Variants in ODF2L observed in about 807,000 individuals in gnomAD.
The protein encoded by ODF2L is protein BCAP.
Under a neutral mutation model 86.3 loss-of-function variants are expected in ODF2L, and 76 were observed. The observed-to-expected ratio is 0.88, with a 90% CI of 0.73 to 1.07. ODF2L has a LOEUF of 1.07. Among genes scored for constraint, ODF2L ranks in the 50% least tolerant of loss-of-function variants. The probability of loss-of-function intolerance (pLI) is 0.00; values close to 1 mark genes in which losing one functional copy is unlikely to be tolerated. For synonymous variants in ODF2L, 241 were observed against 231.3 expected, an observed-to-expected ratio of 1.04 and a Z score of -0.38; for missense variants, 748 against 717.4, an observed-to-expected ratio of 1.04 and a Z score of -0.49.
At chr1:86,372,476 A>G in exon 9 of ODF2L, 1 of 1,521,184 alleles carries the variant, frequency 6.6e-7, no homozygotes, top group Non-Finnish European at 8.8e-7. Context: ...TTTTTCTATC[A>G]CAATTTTCTC....
At chr1:86,394,840 C>CTTCTT (rs1553180237) in intron 1 of ODF2L, among the ~76,000 whole-genome samples, 1 of 129,316 alleles carries the variant, frequency 7.7e-6, no homozygotes, top group Non-Finnish European at 1.6e-5. Context: ...TTTCTTTTTC[C>CTTCTT]TTTTTTTTTT....
At chr1:86,385,691 G>A (rs1316665922) in intron 2 of ODF2L, 101 bp from the exon 3 acceptor site, 2 of 798,508 alleles carry the variant, frequency 2.5e-6, no homozygotes, top group African/African-American at 3.5e-5. Context: ...TAATAGCAAG[G>A]ACAACTTTTA....
At chr1:86,376,294 T>C (rs1303438888) in exon 8 of ODF2L, 3 of 1,613,190 alleles carry the variant, frequency 1.9e-6, no homozygotes, top group Admixed American at 3.3e-5. Context: ...AAGCCTTTGT[T>C]TGTAAACTTT....
At chr1:86,384,951 T>A (rs531840423) in intron 3 of ODF2L, 150 bp from the exon 4 acceptor site, 18 of 444,982 alleles carry the variant, frequency 4.0e-5, no homozygotes, top group African/African-American at 3.1e-4. Flanking sequence ...TTGTCAATAG[T>A]AAATTGGATC....
At chr1:86,375,981 G>T (rs1251528743) in intron 8 of ODF2L, among the ~76,000 whole-genome samples, 1 of 152,062 alleles carries the variant, frequency 6.6e-6, no homozygotes, top group Non-Finnish European at 1.5e-5. Flanking sequence ...TTTGTGTGTG[G>T]AGGCGGGGGG....
intron 14 of ODF2L, chr1:86,355,298 A>G: frequency 7.7e-7 from 1 of 1,290,496 alleles, no homozygotes; most frequent in Non-Finnish European, 1.1e-6. Context: ...TAAAATACAT[A>G]TTTTTTTGAG....
At chr1:86,367,977 A>T (rs1659560227) in intron 11 of ODF2L, among the ~76,000 whole-genome samples, 1 of 152,146 alleles carries the variant, frequency 6.6e-6, no homozygotes, top group East Asian at 1.9e-4. Flanking sequence ...TTCAGATGCC[A>T]TTTTTTCTAG....
At position 86,379,984 on chromosome 1, in the gene ODF2L, T is replaced by C. The variant is rs549734489; in HGVS notation, c.624+2258A>G. 3.9e-5 allele frequency among the ~76,000 whole-genome samples: 6 copies of C among 152,338 alleles called. No individual in the cohort carries two copies. The South Asian group carries it at 1.2e-3, about 32-fold the overall frequency. ...TAACTCAGATGCTTTTATTTCAAAT[T>C]ATTTTAAGACTGTGTACTTAAAGTA... On this transcript the variant is annotated intron_variant, in intron 7 of 17. Coordinates refer to ENST00000317336, the Ensembl canonical transcript of ODF2L.
chr1:86,391,338 T>C (rs1661311009), intron 1 of ODF2L, among the ~76,000 whole-genome samples: 1 of 152,040 alleles, frequency 6.6e-6, no homozygotes, highest in Non-Finnish European at 1.5e-5. Context: ...GAAAAAACAA[T>C]TCTGAAATTC....
At chr1:86,389,954 A>G (rs1257098005) in intron 1 of ODF2L, among the ~76,000 whole-genome samples, 1 of 152,018 alleles carries the variant, frequency 6.6e-6, no homozygotes, top group Non-Finnish European at 1.5e-5. Context: ...ATTCTACCAG[A>G]CATTCAAAGA....
At chr1:86,351,047 G>T (rs778078316) in exon 18 of ODF2L, 2 of 152,006 alleles carry the variant, frequency 1.3e-5, no homozygotes, top group Non-Finnish European at 2.9e-5. Context: ...GTCGGTTCCT[G>T]TTCACTCTGA....
intron 1 of ODF2L, among the ~76,000 whole-genome samples, chr1:86,393,615 TA>T (rs1661491560): frequency 6.6e-6 from 1 of 152,362 alleles, no homozygotes; most frequent in African/African-American, 2.4e-5. Context: ...GACTGTTCTG[TA>T]AACACGGCAT....
intron 7 of ODF2L, among the ~76,000 whole-genome samples, chr1:86,378,089 G>A (rs971983404): frequency 6.6e-6 from 1 of 152,122 alleles, no homozygotes; most frequent in Non-Finnish European, 1.5e-5. Context: ...AATCAACCAG[G>A]TCATATCTTG....
chr1:86,393,182 T>C (rs964318832), intron 1 of ODF2L, among the ~76,000 whole-genome samples: 1 of 152,316 alleles, frequency 6.6e-6, no homozygotes, highest in East Asian at 1.9e-4. Context: ...CTGAAGAGAA[T>C]AGCATATGAA....
At chr1:86,349,232 T>C (rs895621645), downstream of ODF2L, 8 of 131,452 alleles carry the variant, frequency 6.1e-5, no homozygotes, top group African/African-American at 1.6e-4. Context: ...ATTCACATTT[T>C]ATTCCAAAAT....
At chr1:86,388,729 G>A (rs1241891445) in intron 1 of ODF2L, among the ~76,000 whole-genome samples, 6 of 151,802 alleles carry the variant, frequency 4.0e-5, no homozygotes, top group Non-Finnish European at 5.9e-5. Context: ...GTTTGGTATC[G>A]GTATTTTATA....
intron 7 of ODF2L, among the ~76,000 whole-genome samples, chr1:86,380,519 T>C (rs868454306): frequency 6.6e-5 from 10 of 152,232 alleles, no homozygotes; most frequent in Middle Eastern, 3.4e-3. Flanking sequence ...CTTCTAAACA[T>C]AGAAACTAAA....
exon 18 of ODF2L, chr1:86,352,108 A>C: frequency 2.1e-6 from 3 of 1,447,826 alleles, no homozygotes; most frequent in South Asian, 1.5e-5. Context: ...ATAAAATCAA[A>C]TTGTGCATGC....
chr1:86,388,630 G>C (rs1661106993), intron 1 of ODF2L, among the ~76,000 whole-genome samples: 1 of 151,232 alleles, frequency 6.6e-6, no homozygotes, highest in Non-Finnish European at 1.5e-5. Context: ...AAAGACAAAT[G>C]GTTCCCATAT....
Sources: allele counts gnomAD v4.1 joint callset (sites outside exome capture counted in the v4.1 genomes callset), GRCh38; gene constraint gnomAD v4.1.1; transcripts MANE v1.5; gene names NCBI Gene and HGNC (gene_info 2026-07-23, HGNC 2026-07-21).